The following AOAH variants were observed in gnomAD, a reference collection of about 807,000 sequenced individuals.
AOAH encodes acyloxyacyl hydrolase (neutrophil).
AOAH carries 64 observed loss-of-function variants against 92.2 expected under a neutral mutation model. That is an observed-to-expected ratio of 0.69 (90% confidence interval 0.57 to 0.86). The LOEUF (loss-of-function observed/expected upper bound fraction) is 0.86, where lower values mean the gene tolerates loss of function less well. Ranked by LOEUF, AOAH falls within the 40% of genes least tolerant of loss-of-function variation. The pLI, the probability that AOAH is intolerant of heterozygous loss-of-function variation, is 0.00. For synonymous variants in AOAH, 263 were observed against 254.5 expected (o/e 1.03, Z -0.32); for missense variants, 656 against 694.6 (o/e 0.94, Z 0.62).
intron 16 of AOAH, among the ~76,000 whole-genome samples, chr7:36,532,962 C>T (rs1784787834): frequency 6.6e-6 from 1 of 152,152 alleles, no homozygotes; most frequent in Non-Finnish European, 1.5e-5. Context: ...CTCTGTGGCA[C>T]TGGATTATGG....
intron 11 of AOAH, among the ~76,000 whole-genome samples, chr7:36,600,412 T>C (rs2115654157): frequency 6.6e-6 from 1 of 152,332 alleles, no homozygotes; most frequent in Admixed American, 6.5e-5. Context: ...TTCAGGCCCC[T>C]GGAGGACTTC....
At chr7:36,705,691 A>G (rs1798358293) in intron 1 of AOAH, among the ~76,000 whole-genome samples, 1 of 152,192 alleles carries the variant, frequency 6.6e-6, no homozygotes, top group Non-Finnish European at 1.5e-5. Context: ...ATCCTAAGCA[A>G]AAAGAACAAA....
At chr7:36,722,105 C>T (rs192604684) in intron 1 of AOAH, among the ~76,000 whole-genome samples, 3 of 152,232 alleles carry the variant, frequency 2.0e-5, no homozygotes, top group Middle Eastern at 3.4e-3. Context: ...ATCCACCATC[C>T]GAATACCACC....
chr7:36,678,606 C>CGA (rs1562688279), intron 2 of AOAH, among the ~76,000 whole-genome samples: 1 of 104,494 alleles, frequency 9.6e-6, no homozygotes, highest in East Asian at 2.9e-4. Context: ...TGTGTGCGCG[C>CGA]GCGCGCGCGT....
At chr7:36,584,615 G>A (rs1789175485) in intron 12 of AOAH, among the ~76,000 whole-genome samples, 2 of 152,068 alleles carry the variant, frequency 1.3e-5, no homozygotes, top group Admixed American at 1.3e-4. Flanking sequence ...TGTTAATTGT[G>A]TGATTTAATA....
At chr7:36,520,576 A>AT (rs1784057553) in intron 20 of AOAH, among the ~76,000 whole-genome samples, 2 of 152,164 alleles carry the variant, frequency 1.3e-5, no homozygotes, top group African/African-American at 4.8e-5. Context: ...GTGGTGGCGC[A>AT]TGCCTGTAAT....
At chr7:36,644,599 T>C (rs1486470031) in intron 4 of AOAH, among the ~76,000 whole-genome samples, 1 of 152,190 alleles carries the variant, frequency 6.6e-6, no homozygotes, top group Non-Finnish European at 1.5e-5. Context: ...TAAGGTATGG[T>C]GAATTGCACA....
intron 1 of AOAH, among the ~76,000 whole-genome samples, chr7:36,712,397 G>T (rs1406614409): frequency 6.6e-6 from 1 of 152,062 alleles, no homozygotes; most frequent in Non-Finnish European, 1.5e-5. Context: ...GTACCAAATA[G>T]TGCTTTTAAA....
chr7:36,651,385 C>A (rs1794567659), intron 4 of AOAH, among the ~76,000 whole-genome samples: 1 of 152,110 alleles, frequency 6.6e-6, no homozygotes, highest in Admixed American at 6.5e-5. Flanking sequence ...TATAAAATGA[C>A]AGAATCATAT....
intron 13 of AOAH, among the ~76,000 whole-genome samples, chr7:36,573,650 G>A (rs556687316): frequency 6.6e-6 from 1 of 152,194 alleles, no homozygotes; most frequent in South Asian, 2.1e-4. Context: ...CCCAGGAGGT[G>A]GAGGTTGCAG....
At chr7:36,550,825 C>T (rs573200065) in intron 13 of AOAH, among the ~76,000 whole-genome samples, 136 of 152,204 alleles carry the variant, frequency 8.9e-4, no homozygotes, top group African/African-American at 3.0e-3. Flanking sequence ...TGCATTTTAC[C>T]GGAGACCCAG....
chr7:36,525,464 T>A lies in AOAH; in HGVS notation c.1523-3349A>T, dbSNP rs1454975161. Among the ~76,000 whole-genome samples, 5 of 152,336 alleles carry A rather than the reference T, an allele frequency of 3.3e-5. No individual in the cohort carries two copies. The East Asian group carries it at 7.7e-4, about 23-fold the overall frequency. ...AATTCTAGGCTATTTTCATTTTGAT[T>A]TGCATTTTTTGTGTGTTACTAATTA... On this transcript the variant is annotated intron_variant, in intron 19 of 20. Coordinates refer to ENST00000617537, the MANE Select transcript of AOAH (RefSeq NM_001637.4).
intron 20 of AOAH, 67 bp downstream of exon 20, chr7:36,521,972 G>A: frequency 7.5e-7 from 1 of 1,337,230 alleles, no homozygotes; most frequent in South Asian, 1.2e-5. Context: ...ACATGAATGT[G>A]TAACCATAAT....
chr7:36,585,253 C>T (rs1018044634), intron 12 of AOAH, among the ~76,000 whole-genome samples: 9 of 151,770 alleles, frequency 5.9e-5, no homozygotes, highest in South Asian at 4.2e-4. Flanking sequence ...AGACAACGGG[C>T]GATGCCTGTG....
chr7:36,665,428 A>ATT (rs35210064), intron 3 of AOAH, among the ~76,000 whole-genome samples: 4 of 142,870 alleles, frequency 2.8e-5, no homozygotes, highest in Non-Finnish European at 3.1e-5. Context: ...TAGTTCTAGA[A>ATT]TTTTTTTTTT....
chr7:36,570,662 T>G (rs536643897), intron 13 of AOAH, among the ~76,000 whole-genome samples: 1 of 152,360 alleles, frequency 6.6e-6, no homozygotes, highest in Non-Finnish European at 1.5e-5. Context: ...GTTTGTTGTC[T>G]TCTGCTTTTT....
intron 20 of AOAH, among the ~76,000 whole-genome samples, chr7:36,521,225 C>G (rs1459144702): frequency 6.6e-6 from 1 of 152,198 alleles, no homozygotes; most frequent in Non-Finnish European, 1.5e-5. Flanking sequence ...ACGGCTGGAG[C>G]AGAAAGGCTC....
chr7:36,630,547 AGGAGTCTAAGTGT>A (rs1264616579), intron 6 of AOAH, among the ~76,000 whole-genome samples: 1 of 152,206 alleles, frequency 6.6e-6, no homozygotes, highest in African/African-American at 2.4e-5. Context: ...ATGGACACCC[AGGAGTCTAAGTGT>A]GGGGTCTAAG....
intron 4 of AOAH, among the ~76,000 whole-genome samples, chr7:36,642,627 T>C (rs923148846): frequency 1.3e-5 from 2 of 152,218 alleles, no homozygotes; most frequent in African/African-American, 4.8e-5. Context: ...GTAATTTGGA[T>C]GATGAAAGAG....
Sources: allele counts gnomAD v4.1 joint callset (sites outside exome capture counted in the v4.1 genomes callset), GRCh38; gene constraint gnomAD v4.1.1; transcripts MANE v1.5; gene names NCBI Gene and HGNC (gene_info 2026-07-23, HGNC 2026-07-21).